CDH12: variants seen among roughly 807,000 people sequenced by gnomAD.
CDH12 encodes the protein cadherin 12.
CDH12 carries 41 observed loss-of-function variants against 74.1 expected under a neutral mutation model. The observed-to-expected ratio is 0.55, with a 90% CI of 0.43 to 0.72. The LOEUF is 0.72. CDH12 is among the 30% of genes least tolerant of loss of function. CDH12 has a pLI of 0.00. For missense variants in CDH12, 945 were observed against 977.2 expected (o/e 0.97, Z 0.44); for synonymous variants, 399 against 355.0 (o/e 1.12, Z -1.39).
intron 5 of CDH12, among the ~76,000 whole-genome samples, chr5:22,012,417 G>A (rs1449311111): frequency 6.6e-6 from 1 of 152,038 alleles, no homozygotes; most frequent in African/African-American, 2.4e-5. Context: ...AATTCCAGTT[G>A]AGTTAAGAAA....
intron 2 of CDH12, among the ~76,000 whole-genome samples, chr5:22,412,810 C>T (rs1743217909): frequency 6.6e-6 from 1 of 151,916 alleles, no homozygotes. Flanking sequence ...ACATTTCCTC[C>T]ACCTGTGCTT....
intron 5 of CDH12, among the ~76,000 whole-genome samples, chr5:22,042,041 A>G (rs1227829984): frequency 1.3e-5 from 2 of 152,192 alleles, no homozygotes; most frequent in African/African-American, 4.8e-5. Flanking sequence ...AATCAACAAC[A>G]TACTCTTGAA....
intron 3 of CDH12, among the ~76,000 whole-genome samples, chr5:22,236,144 C>A (rs1056588598): frequency 1.3e-5 from 2 of 152,176 alleles, no homozygotes; most frequent in African/African-American, 4.8e-5. Flanking sequence ...AGTGTGTGAG[C>A]AGCGAATGAA....
rs376882880 is a variant in CDH12, at chr5:22,492,891, C to T, written c.-428+12379G>A. ...TTCCTTGCTCAGTCCACTCTGAAGA[C>T]CACCGATCGCACACAGAAGATCCAA... On this transcript the variant is annotated intron_variant, in intron 2 of 14. Transcript: ENST00000382254. Among the ~76,000 whole-genome samples the T allele has an allele frequency of 1.1e-4, 16 of 152,212 alleles. No individual in the cohort carries two copies. In the East Asian group the frequency reaches 2.9e-3, roughly 28 times the overall value.
intron 5 of CDH12, among the ~76,000 whole-genome samples, chr5:22,032,815 TACACAC>T (rs757479604): frequency 2.0e-5 from 3 of 146,762 alleles, no homozygotes; most frequent in Non-Finnish European, 3.0e-5. Context: ...TGTGTATATA[TACACAC>T]ACACACACAC....
intron 1 of CDH12, among the ~76,000 whole-genome samples, chr5:22,531,170 C>A (rs1285627956): frequency 6.6e-6 from 1 of 152,038 alleles, no homozygotes; most frequent in African/African-American, 2.4e-5. Context: ...ATGCTAAAGA[C>A]AAATAATTGC....
chr5:22,123,870 T>C (rs1561136164), intron 4 of CDH12, among the ~76,000 whole-genome samples: 1 of 152,210 alleles, frequency 6.6e-6, no homozygotes, highest in Non-Finnish European at 1.5e-5. Flanking sequence ...CTTTCTTTTA[T>C]GCCAAAGTGT....
chr5:22,056,212 A>T (rs1740733198), intron 5 of CDH12, among the ~76,000 whole-genome samples: 1 of 152,094 alleles, frequency 6.6e-6, no homozygotes, highest in Non-Finnish European at 1.5e-5. Context: ...TTTAATCTTA[A>T]TTGTGCTACA....
chr5:22,373,017 GC>G (rs966045368), intron 3 of CDH12, among the ~76,000 whole-genome samples: 2 of 151,998 alleles, frequency 1.3e-5, no homozygotes, highest in African/African-American at 4.8e-5. Flanking sequence ...AGCCACCACT[GC>G]CCCCACCTAA....
chr5:22,801,676 TATATATATAC>T lies in CDH12; in HGVS notation c.-523+51372_-523+51381del, dbSNP rs1172628619. Among the ~76,000 whole-genome samples, 262 of 97,094 alleles carry T rather than the reference TATATATATAC, an allele frequency of 2.7e-3. 5 individuals carry two copies. Among genetic ancestry groups the T allele is most frequent in the African/African-American group, 8.3e-3 (162 of 19,426 alleles). 63.7% of individuals were successfully genotyped at this position (97,094 alleles called of 152,430 possible). ...ATATATATATATATATATATATATA[TATATATATAC>T]ACTTTGTTTAATAGGGAGAACACAT... On this transcript the variant is annotated intron_variant, in intron 1 of 14. Transcript: ENST00000382254.
intron 6 of CDH12, among the ~76,000 whole-genome samples, chr5:21,865,013 T>C (rs1254707805): frequency 6.6e-6 from 1 of 152,188 alleles, no homozygotes; most frequent in Non-Finnish European, 1.5e-5. Context: ...CTTTGAAGAA[T>C]GACATGAATC....
At chr5:22,448,282 C>A (rs77134958) in intron 2 of CDH12, among the ~76,000 whole-genome samples, 4,932 of 151,694 alleles carry the variant, frequency 0.033, 263 homozygotes, top group African/African-American at 0.11. Flanking sequence ...TATATTAATT[C>A]TGTGGGTTTT....
intron 3 of CDH12, among the ~76,000 whole-genome samples, chr5:22,398,677 T>C (rs887814831): frequency 1.3e-5 from 2 of 152,198 alleles, no homozygotes; most frequent in African/African-American, 4.8e-5. Flanking sequence ...GTCTCCTTTT[T>C]CACCAGAGAC....
At chr5:22,678,487 G>A (rs1741328219) in intron 1 of CDH12, among the ~76,000 whole-genome samples, 1 of 152,098 alleles carries the variant, frequency 6.6e-6, no homozygotes, top group Non-Finnish European at 1.5e-5. Flanking sequence ...AAGAATGAAT[G>A]AATGGTATAT....
chr5:22,193,646 T>G (rs946083779), intron 4 of CDH12, among the ~76,000 whole-genome samples: 1 of 151,896 alleles, frequency 6.6e-6, no homozygotes, highest in African/African-American at 2.4e-5. Context: ...TTTTTCTTTG[T>G]AGGTATACAA....
chr5:22,512,517 A>G (rs549911423), intron 1 of CDH12, among the ~76,000 whole-genome samples: 172 of 152,292 alleles, frequency 1.1e-3, no homozygotes, highest in African/African-American at 3.8e-3. Flanking sequence ...CAAGAGCACA[A>G]TTCATGAGGT....
intron 1 of CDH12, among the ~76,000 whole-genome samples, chr5:22,741,484 T>C (rs1012067210): frequency 6.6e-6 from 1 of 152,030 alleles, no homozygotes; most frequent in African/African-American, 2.4e-5. Flanking sequence ...GTAAGTTTTG[T>C]TGTTGTTGTT....
At chr5:22,666,409 C>A (rs901224098) in intron 1 of CDH12, among the ~76,000 whole-genome samples, 1 of 151,290 alleles carries the variant, frequency 6.6e-6, no homozygotes, top group Non-Finnish European at 1.5e-5. Context: ...CCTGCCTCAG[C>A]CTCCCGAGTA....
At position 22,458,624 on chromosome 5, in the gene CDH12, CT is replaced by C. The variant is rs1412748087; in HGVS notation, c.-428+46645del. Among the ~76,000 whole-genome samples the C allele has an allele frequency of 2.0e-5, 3 of 152,244 alleles. No homozygotes were observed. The East Asian group carries it at 5.8e-4, about 29-fold the overall frequency. The stretch of plus-strand genomic sequence containing the variant: ...ATTACATTATTTAATAGATCTGAGC[CT>C]TGAAAAGAGTAACATCACAAAATTG... On this transcript the variant is annotated intron_variant, in intron 2 of 14. Coordinates refer to ENST00000382254, the MANE Select transcript of CDH12 (RefSeq NM_004061.5).
Sources: gnomAD v4.1 joint callset for allele counts (sites outside exome capture counted in the v4.1 genomes callset) on GRCh38, gnomAD v4.1.1 for gene constraint, MANE v1.5 for transcripts, NCBI Gene and HGNC (gene_info 2026-07-23, HGNC 2026-07-21) for gene names.